HTR1F: variants seen among roughly 807,000 people sequenced by gnomAD.
The protein encoded by HTR1F is 5-hydroxytryptamine receptor 1F.
In HTR1F, 17 loss-of-function variants were observed where a neutral mutation model predicts 24.0. The ratio of observed to expected loss-of-function variants is 0.71; its 90% CI spans 0.48 to 1.06. The LOEUF is 1.06. Ranked by LOEUF, HTR1F falls within the 50% of genes least tolerant of loss-of-function variation. The pLI is 0.00. For synonymous variants in HTR1F, 186 were observed against 156.8 expected (o/e 1.19, Z -1.39); for missense variants, 391 against 427.8 (o/e 0.91, Z 0.76).
At chr3:87,832,380 T>C (rs553906140) in intron 2 of HTR1F, among the ~76,000 whole-genome samples, 1 of 146,454 alleles carries the variant, frequency 6.8e-6, no homozygotes, top group Admixed American at 7.3e-5. Flanking sequence ...CAGGCTGGAG[T>C]GCAGTGGCGC....
intron 2 of HTR1F, among the ~76,000 whole-genome samples, chr3:87,954,442 G>A (rs1704900652): frequency 6.6e-6 from 1 of 151,704 alleles, no homozygotes; most frequent in African/African-American, 2.4e-5. Flanking sequence ...CCACAATTGT[G>A]TATTTGATTT....
At chr3:87,950,703 T>A (rs1704815049) in intron 2 of HTR1F, among the ~76,000 whole-genome samples, 1 of 152,116 alleles carries the variant, frequency 6.6e-6, no homozygotes, top group Non-Finnish European at 1.5e-5. Context: ...AAAGGGGAGC[T>A]TTTACTGCAA....
chr3:87,819,164 A>G (rs1332027364), intron 1 of HTR1F, among the ~76,000 whole-genome samples: 1 of 152,188 alleles, frequency 6.6e-6, no homozygotes, highest in Non-Finnish European at 1.5e-5. Context: ...CAATAAGATT[A>G]CTGGTCAAAT....
At chr3:87,834,497 G>A (rs1359904312) in intron 2 of HTR1F, among the ~76,000 whole-genome samples, 2 of 151,932 alleles carry the variant, frequency 1.3e-5, no homozygotes, top group Admixed American at 1.3e-4. Context: ...TTAGGCCTGG[G>A]AAAGTCAACG....
At chr3:87,813,622 T>G (rs1028320811) in intron 1 of HTR1F, among the ~76,000 whole-genome samples, 2 of 152,274 alleles carry the variant, frequency 1.3e-5, no homozygotes, top group African/African-American at 4.8e-5. Flanking sequence ...ATGATATTGT[T>G]TGGCTCTGTG....
chr3:87,892,921 T>C (rs1706116315), intron 2 of HTR1F, among the ~76,000 whole-genome samples: 1 of 151,998 alleles, frequency 6.6e-6, no homozygotes. Context: ...AAGTTTCCTA[T>C]GAATAATTAA....
At chr3:87,803,014 A>G (rs1704018963) in intron 1 of HTR1F, among the ~76,000 whole-genome samples, 1 of 152,120 alleles carries the variant, frequency 6.6e-6, no homozygotes, top group Non-Finnish European at 1.5e-5. Flanking sequence ...GGTTGAAATA[A>G]AAGCAATGGA....
intron 2 of HTR1F, among the ~76,000 whole-genome samples, chr3:87,920,133 A>G (rs1248919436): frequency 1.3e-5 from 2 of 151,606 alleles, no homozygotes; most frequent in East Asian, 3.9e-4. Context: ...TATTATTCTA[A>G]GTGAAGTAAC....
intron 2 of HTR1F, among the ~76,000 whole-genome samples, chr3:87,905,705 G>C (rs1251003137): frequency 2.0e-5 from 3 of 150,178 alleles, no homozygotes; most frequent in Non-Finnish European, 4.4e-5. Context: ...AGGACTCAAA[G>C]GTGTAACCTT....
intron 2 of HTR1F, among the ~76,000 whole-genome samples, chr3:87,846,061 T>C (rs1704934365): frequency 6.6e-6 from 1 of 151,876 alleles, no homozygotes; most frequent in South Asian, 2.1e-4. Flanking sequence ...CCAAATTTCC[T>C]ACTCAGGTGG....
At chr3:87,889,092 T>C (rs1287649027) in intron 2 of HTR1F, among the ~76,000 whole-genome samples, 1 of 152,046 alleles carries the variant, frequency 6.6e-6, no homozygotes. Flanking sequence ...GAGCCTGGCA[T>C]CTCCCCAGCT....
chr3:87,990,921 G>T lies in HTR1F; in HGVS notation c.172G>T (p.Ala58Ser). ...IIVTRKLHHP[A>S]NYLICSLAVT... ...TGTGACCCGGAAGCTGCACCATCCA[G>T]CCAATTATTTAATTTGTTCCCTTGC... Residue 58 changes from alanine (A) to serine (S), a missense_variant, in exon 3 of 3, where the codon GCC (alanine) becomes TCC (serine). Ala to Ser is a moderately conservative substitution (Grantham distance 99). Transcript: ENST00000319595. 2.5e-6 allele frequency: 4 copies of T among 1,614,124 alleles called. No individual in the cohort carries two copies. Among genetic ancestry groups the T allele is most frequent in the Admixed American group, 1.7e-5 (1 of 60,008 alleles).
chr3:87,926,839 G>A (rs1028178676), intron 2 of HTR1F, among the ~76,000 whole-genome samples: 4 of 152,112 alleles, frequency 2.6e-5, no homozygotes, highest in African/African-American at 4.8e-5. Flanking sequence ...AGGACGACAC[G>A]GTGATAGGTA....
intron 2 of HTR1F, among the ~76,000 whole-genome samples, chr3:87,977,392 A>G (rs1705417717): frequency 8.1e-6 from 1 of 123,198 alleles, no homozygotes; most frequent in South Asian, 2.7e-4. Context: ...TGAAGCTGAG[A>G]CTTTTTTTTT....
intron 2 of HTR1F, 114 bp from the exon 3 acceptor site, chr3:87,990,594 A>C: frequency 1.8e-6 from 1 of 554,700 alleles, no homozygotes; most frequent in African/African-American, 1.9e-5. Flanking sequence ...CATTTTTTTA[A>C]TCTATAGAAT....
chr3:87,904,461 A>C (rs1703613229), intron 2 of HTR1F, among the ~76,000 whole-genome samples: 1 of 152,120 alleles, frequency 6.6e-6, no homozygotes, highest in African/African-American at 2.4e-5. Flanking sequence ...TGAAGCAAAA[A>C]CTGAAAACAA....
chr3:87,815,566 A>T (rs1323016101), intron 1 of HTR1F, among the ~76,000 whole-genome samples: 1 of 152,126 alleles, frequency 6.6e-6, no homozygotes, highest in Non-Finnish European at 1.5e-5. Context: ...ACATTTTTAT[A>T]GAAGAGGGAA....
At chr3:87,809,770 A>C (rs1022808134) in intron 1 of HTR1F, among the ~76,000 whole-genome samples, 1 of 152,060 alleles carries the variant, frequency 6.6e-6, no homozygotes, top group African/African-American at 2.4e-5. Flanking sequence ...TTAAAAACAC[A>C]TGATTGTCCG....
chr3:87,989,008 G>A (rs1288099044), intron 2 of HTR1F, among the ~76,000 whole-genome samples: 2 of 151,998 alleles, frequency 1.3e-5, no homozygotes, highest in African/African-American at 2.4e-5. Context: ...ACAGAACTAC[G>A]TTAACATTAA....
Sources: allele counts gnomAD v4.1 joint callset (sites outside exome capture counted in the v4.1 genomes callset), GRCh38; gene constraint gnomAD v4.1.1; transcripts MANE v1.5; gene names NCBI Gene and HGNC (gene_info 2026-07-23, HGNC 2026-07-21).